The following SETD5 variants were observed in gnomAD, a reference collection of about 807,000 sequenced individuals.
SETD5 encodes histone-lysine N-methyltransferase SETD5.
SETD5 carries 44 observed loss-of-function variants against 153.3 expected under a neutral mutation model. The observed-to-expected ratio is 0.29, with a 90% CI of 0.23 to 0.37. The LOEUF is 0.37. Among genes scored for constraint, SETD5 ranks in the 10% least tolerant of loss-of-function variants. The pLI is 1.00. For missense variants in SETD5, 1,544 were observed against 1,768.0 expected, an observed-to-expected ratio of 0.87 and a Z score of 2.27; for synonymous variants, 716 against 645.2, an observed-to-expected ratio of 1.11 and a Z score of -1.66.
Position 9,475,062 on chromosome 3 carries a change from T to G in SETD5, c.3632-6T>G. ...TTGATTTTTTTTTATATATGTTACCTTCCAGACCCTGCAGATGGAGAAGGC... is the reference window on the plus strand; with the variant it reads ...TTGATTTTTTTTTATATATGTTACCGTCCAGACCCTGCAGATGGAGAAGGC... On this transcript the variant is annotated splice_region_variant and splice_polypyrimidine_tract_variant and intron_variant, in intron 21 of 22. Transcript: ENST00000402198. 2 of 1,573,902 alleles carry G rather than the reference T, an allele frequency of 1.3e-6. No homozygotes were observed. The highest frequency in any genetic ancestry group is 2.3e-5 in the East Asian group (1 of 42,730).
At chr3:9,475,395 A>G (rs1028769598) in intron 22 of SETD5, 88 bp from the exon 23 acceptor site, 9 of 1,508,608 alleles carry the variant, frequency 6.0e-6, no homozygotes, top group African/African-American at 1.4e-5. Context: ...AAAGATGAAG[A>G]AAAAAGAATG....
rs780796734 is a variant in SETD5 at position 9,470,569 on chromosome 3, T to A, written c.2835T>A (p.Ala945=). ...TCAACTCAGGTCATTCTGACCTGGCTCCTCATCCCTCCCTCGGACCCACTT... is the reference window on the plus strand; with the variant it reads ...TCAACTCAGGTCATTCTGACCTGGCACCTCATCCCTCCCTCGGACCCACTT... ...SLLNSGHSDL[A]PHPSLGPTSE... Residue 945 remains alanine, a synonymous_variant, in exon 19 of 23, where the codon GCT becomes GCA. Transcript: ENST00000402198. The A allele has an allele frequency of 6.2e-7, 1 of 1,613,988 alleles. No individual in the cohort carries two copies. Among genetic ancestry groups the A allele is most frequent in the Non-Finnish European group, 8.5e-7 (1 of 1,179,882 alleles).
At chr3:9,400,178 A>G (rs1205545359) in intron 1 of SETD5, among the ~76,000 whole-genome samples, 4 of 152,144 alleles carry the variant, frequency 2.6e-5, no homozygotes, top group Non-Finnish European at 5.9e-5. Context: ...ATTTATGGAT[A>G]TTGGCATCTG....
intron 1 of SETD5, among the ~76,000 whole-genome samples, chr3:9,416,024 C>A (rs2037368611): frequency 6.6e-6 from 1 of 152,030 alleles, no homozygotes; most frequent in South Asian, 2.1e-4. Flanking sequence ...AGGTGTGCAC[C>A]ACCATGCCTG....
At chr3:9,401,224 T>C (rs1221060803) in intron 1 of SETD5, among the ~76,000 whole-genome samples, 2 of 152,196 alleles carry the variant, frequency 1.3e-5, no homozygotes, top group Non-Finnish European at 2.9e-5. Flanking sequence ...TACTATCACA[T>C]AGATAAGATG....
At chr3:9,438,631 G>A (rs1315413149) in intron 7 of SETD5, among the ~76,000 whole-genome samples, 1 of 152,180 alleles carries the variant, frequency 6.6e-6, no homozygotes, top group Non-Finnish European at 1.5e-5. Context: ...CCAGGTGGGA[G>A]CCATAAGAAT....
intron 17 of SETD5, among the ~76,000 whole-genome samples, chr3:9,454,302 G>A (rs1043727448): frequency 2.6e-5 from 4 of 152,020 alleles, no homozygotes; most frequent in Non-Finnish European, 4.4e-5. Context: ...TTTTCAAAGG[G>A]GCTTGTATAA....
Position 9,475,808 on chromosome 3 carries a change from T to C in SETD5, c.4046T>C (p.Leu1349Pro), listed in dbSNP as rs2045798071. The C allele has an allele frequency of 6.2e-7, 1 of 1,613,898 alleles. No homozygotes were observed. Residue 1349 changes from leucine (L) to proline (P), a missense_variant, in exon 23 of 23, where the codon CTG becomes CCG. By Grantham distance (98) the Leu-to-Pro change is moderately conservative. Around this residue, in one of 9 missense-constraint regions of SETD5, gnomAD observed 302 missense variants for 277.6 expected, o/e 1.09. Transcript: ENST00000402198. ...CCTTCTAGTGCTGCTAGCCCTACCCTGCAGGGACCCTCAGACTCGCCAACC... is the reference window on the plus strand; with the variant it reads ...CCTTCTAGTGCTGCTAGCCCTACCCCGCAGGGACCCTCAGACTCGCCAACC... ...SCPSSAASPT[L>P]QGPSDSPTSD...
chr3:9,412,395 T>G (rs1474365997), intron 1 of SETD5, among the ~76,000 whole-genome samples: 1 of 138,164 alleles, frequency 7.2e-6, no homozygotes, highest in East Asian at 2.1e-4. Flanking sequence ...GGGTTTTTTT[T>G]TTTTTTTTTT....
rs535076039 is a variant in SETD5 at position 9,475,656 on chromosome 3, C to T, written c.3894C>T (p.Ser1298=). Residue 1298 remains serine (S), a synonymous_variant, in exon 23 of 23, where the codon TCC becomes TCT. Coordinates refer to ENST00000402198, the MANE Select transcript of SETD5 (RefSeq NM_001080517.3). ...GSSESSLSST[S]YSSPAHPVST... ...CAGAATCATCCCTCTCTTCCACGTC[C>T]TATTCCAGCCCCGCCCACCCTGTGT... 4.3e-6 allele frequency: 7 copies of T among 1,614,028 alleles called. No individual in the cohort carries two copies. The highest frequency in any genetic ancestry group is 5.9e-6 in the Non-Finnish European group (7 of 1,179,902).
chr3:9,442,689 C>A (rs976809589), intron 10 of SETD5, among the ~76,000 whole-genome samples: 1 of 152,144 alleles, frequency 6.6e-6, no homozygotes, highest in Admixed American at 6.5e-5. Flanking sequence ...ATCCACAGAG[C>A]TTTACTTACT....
At chr3:9,413,014 C>A (rs932063831) in intron 1 of SETD5, among the ~76,000 whole-genome samples, 7 of 152,068 alleles carry the variant, frequency 4.6e-5, no homozygotes, top group Non-Finnish European at 1.0e-4. Flanking sequence ...AGGCATGAAC[C>A]ACCATGCCCA....
At chr3:9,398,208 C>A (rs1404121089) in intron 1 of SETD5, 1 of 151,580 alleles carries the variant, frequency 6.6e-6, no homozygotes, top group Non-Finnish European at 1.5e-5. Context: ...CGACCCAACT[C>A]CCCCTTTCAT....
chr3:9,422,951 G>A (rs1348919116), intron 1 of SETD5, among the ~76,000 whole-genome samples: 1 of 152,146 alleles, frequency 6.6e-6, no homozygotes, highest in Non-Finnish European at 1.5e-5. Context: ...TTTCTGAAGC[G>A]GCACTCCTCT....
intron 7 of SETD5, 98 bp from the exon 8 acceptor site, chr3:9,440,358 G>A: frequency 1.5e-6 from 1 of 669,156 alleles, no homozygotes; most frequent in Admixed American, 2.5e-5. Flanking sequence ...ATTGCCAAGT[G>A]ATAAATTTTC....
intron 17 of SETD5, among the ~76,000 whole-genome samples, chr3:9,454,636 A>AC (rs2043007023): frequency 1.3e-5 from 2 of 151,062 alleles, no homozygotes; most frequent in African/African-American, 4.9e-5. Context: ...AAAAAAAAAA[A>AC]AAAAAAAAAA....
chr3:9,463,845 A>C (rs1440170640), intron 17 of SETD5, among the ~76,000 whole-genome samples: 2 of 152,238 alleles, frequency 1.3e-5, no homozygotes, highest in Non-Finnish European at 2.9e-5. Context: ...TGTAAAAGAA[A>C]GAACTGTAGC....
intron 1 of SETD5, among the ~76,000 whole-genome samples, chr3:9,423,588 G>A (rs578139976): frequency 1.3e-5 from 2 of 151,086 alleles, no homozygotes; most frequent in East Asian, 3.9e-4. Flanking sequence ...TCCTTTTACT[G>A]TTACTTTGAT....
intron 7 of SETD5, among the ~76,000 whole-genome samples, chr3:9,437,784 C>G (rs1026286418): frequency 6.6e-6 from 1 of 152,088 alleles, no homozygotes. Flanking sequence ...AAGTGGATCA[C>G]CTGAGGTCAG....
Sources: allele counts gnomAD v4.1 joint callset (sites outside exome capture counted in the v4.1 genomes callset), GRCh38; gene constraint gnomAD v4.1.1; regional missense constraint gnomAD v4.1.1; transcripts MANE v1.5; gene names NCBI Gene and HGNC (gene_info 2026-07-23, HGNC 2026-07-21).